EXOC6B: variants seen among roughly 807,000 people sequenced by gnomAD.
The protein encoded by EXOC6B is exocyst complex component 6B, also known as SEC15 homolog B.
A neutral mutation model predicts 113.5 loss-of-function variants in EXOC6B; 54 were observed. That is an observed-to-expected ratio of 0.48 (90% confidence interval 0.38 to 0.60). The LOEUF is 0.60. Among genes scored for constraint, EXOC6B ranks in the 20% least tolerant of loss-of-function variants. The probability of loss-of-function intolerance (pLI) is 0.00; values close to 1 mark genes in which losing one functional copy is unlikely to be tolerated. For missense variants in EXOC6B, 797 were observed against 977.5 expected, an observed-to-expected ratio of 0.82 and a Z score of 2.46; for synonymous variants, 357 against 339.0, an observed-to-expected ratio of 1.05 and a Z score of -0.58.
intron 20 of EXOC6B, among the ~76,000 whole-genome samples, chr2:72,235,447 A>G (rs982751497): frequency 6.6e-6 from 1 of 152,174 alleles, no homozygotes; most frequent in East Asian, 1.9e-4. Context: ...AAAACTACCT[A>G]TTGGGTACTT....
At chr2:72,199,129 T>C (rs1178643938) in intron 20 of EXOC6B, among the ~76,000 whole-genome samples, 1 of 152,274 alleles carries the variant, frequency 6.6e-6, no homozygotes, top group East Asian at 1.9e-4. Context: ...CACCCAGAGC[T>C]GGCTAGTGAG....
chr2:72,372,198 T>C (rs1008801359), intron 19 of EXOC6B, among the ~76,000 whole-genome samples: 12 of 152,194 alleles, frequency 7.9e-5, no homozygotes, highest in African/African-American at 2.9e-4. Flanking sequence ...AGACATTGCA[T>C]GGTCATGGAT....
chr2:72,515,722 T>C, intron 8 of EXOC6B: 6 of 986,886 alleles, frequency 6.1e-6, no homozygotes, highest in Non-Finnish European at 7.2e-6. Context: ...TACATAATAA[T>C]ATCTGACTCA....
chr2:72,698,589 C>T (rs1176123707), intron 6 of EXOC6B, among the ~76,000 whole-genome samples: 2 of 151,952 alleles, frequency 1.3e-5, no homozygotes, highest in African/African-American at 4.8e-5. Context: ...TGTGTACTAA[C>T]TGTACAACAG....
intron 18 of EXOC6B, among the ~76,000 whole-genome samples, chr2:72,420,292 G>C (rs1056679700): frequency 1.3e-5 from 2 of 151,858 alleles, no homozygotes; most frequent in Non-Finnish European, 2.9e-5. Context: ...GAATGTGCAG[G>C]TTTGTTACAT....
At chr2:72,247,474 T>A (rs1438887667) in intron 20 of EXOC6B, among the ~76,000 whole-genome samples, 1 of 152,210 alleles carries the variant, frequency 6.6e-6, no homozygotes, top group Non-Finnish European at 1.5e-5. Flanking sequence ...GTTGTTTGCT[T>A]AGTGCTTTTA....
rs368551721 is a variant in EXOC6B, at chr2:72,818,253, T to C, written c.113+7545A>G. Among the ~76,000 whole-genome samples the C allele has an allele frequency of 1.9e-4, 29 of 151,284 alleles. No homozygotes were observed. In the East Asian group the frequency reaches 5.2e-3, roughly 27 times the overall value. ...TCCGCCTCCCAGGTTCACGCCATTC[T>C]CCTGCCTCAGCCTCCCAAGTAGCTG... On this transcript the variant is annotated intron_variant, in intron 1 of 21. Transcript: ENST00000272427.
chr2:72,222,203 T>C (rs2104431191), intron 20 of EXOC6B, among the ~76,000 whole-genome samples: 1 of 152,312 alleles, frequency 6.6e-6, no homozygotes, highest in South Asian at 2.1e-4. Flanking sequence ...GGTACTTGAA[T>C]AGTGAGTCCT....
At chr2:72,720,150 T>A (rs1344046338) in intron 5 of EXOC6B, among the ~76,000 whole-genome samples, 1 of 151,580 alleles carries the variant, frequency 6.6e-6, no homozygotes, top group African/African-American at 2.4e-5. Flanking sequence ...AAAATATATA[T>A]CATTTGAAAA....
chr2:72,529,998 T>A (rs1444335157), intron 8 of EXOC6B, among the ~76,000 whole-genome samples: 2 of 152,174 alleles, frequency 1.3e-5, no homozygotes, highest in Admixed American at 1.3e-4. Flanking sequence ...ATGTCTAATA[T>A]CAATAATCTG....
At chr2:72,536,796 G>GA (rs1406597148) in intron 8 of EXOC6B, among the ~76,000 whole-genome samples, 1 of 152,224 alleles carries the variant, frequency 6.6e-6, no homozygotes, top group Non-Finnish European at 1.5e-5. Context: ...GGATGAATCA[G>GA]AAAAAAGTCT....
At chr2:72,523,321 T>C (rs1354298360) in intron 8 of EXOC6B, among the ~76,000 whole-genome samples, 1 of 152,104 alleles carries the variant, frequency 6.6e-6, no homozygotes, top group African/African-American at 2.4e-5. Flanking sequence ...TACACAGACA[T>C]CCAGAACATT....
At chr2:72,466,629 T>C (rs1038333216) in intron 17 of EXOC6B, among the ~76,000 whole-genome samples, 19 of 152,182 alleles carry the variant, frequency 1.2e-4, no homozygotes, top group African/African-American at 4.6e-4. Context: ...TGTTTACTAA[T>C]GTGAACAATG....
intron 8 of EXOC6B, among the ~76,000 whole-genome samples, chr2:72,535,268 T>G (rs1403942359): frequency 1.3e-5 from 2 of 152,170 alleles, no homozygotes; most frequent in East Asian, 3.9e-4. Context: ...CAGAATAAAA[T>G]GTACCTGCAA....
chr2:72,499,887 CAG>C lies in EXOC6B; in HGVS notation c.1239+12_1239+13del. The C allele has an allele frequency of 6.5e-7, 1 of 1,530,986 alleles. No individual in the cohort carries two copies. The highest frequency in any genetic ancestry group is 8.9e-7 in the Non-Finnish European group (1 of 1,127,852). 94.8% of individuals were successfully genotyped at this position (1,530,986 alleles called of 1,614,324 possible). On this transcript the variant is annotated intron_variant, in intron 12 of 21. Transcript: ENST00000272427. The stretch of plus-strand genomic sequence containing the variant: ...ACCAATCTAGATGAGCATATGTAAA[CAG>C]AAATCACATACCTGAAGTGTGTCAG...
intron 8 of EXOC6B, among the ~76,000 whole-genome samples, chr2:72,525,907 A>C (rs1027075942): frequency 6.6e-6 from 1 of 152,146 alleles, no homozygotes; most frequent in African/African-American, 2.4e-5. Context: ...ATATGATGAG[A>C]AAGGAGAGTC....
chr2:72,525,685 AT>A (rs1701715966), intron 8 of EXOC6B, among the ~76,000 whole-genome samples: 2 of 152,172 alleles, frequency 1.3e-5, no homozygotes, highest in Admixed American at 1.3e-4. Flanking sequence ...AGACAAGAAC[AT>A]TTTTAATATA....
chr2:72,384,282 T>C (rs1691864080), intron 18 of EXOC6B, among the ~76,000 whole-genome samples: 1 of 152,088 alleles, frequency 6.6e-6, no homozygotes, highest in Admixed American at 6.6e-5. Flanking sequence ...TCTCAATAGA[T>C]GCAGAAAAGG....
intron 18 of EXOC6B, among the ~76,000 whole-genome samples, chr2:72,446,121 G>A (rs1220427679): frequency 6.6e-6 from 1 of 152,120 alleles, no homozygotes; most frequent in Admixed American, 6.5e-5. Flanking sequence ...ACTACCATTT[G>A]ATCCAATAAT....
Sources: allele counts gnomAD v4.1 joint callset (sites outside exome capture counted in the v4.1 genomes callset), GRCh38; gene constraint gnomAD v4.1.1; transcripts MANE v1.5; gene names NCBI Gene and HGNC (gene_info 2026-07-23, HGNC 2026-07-21).